NOS1: variants seen among roughly 807,000 people sequenced by gnomAD.
The protein encoded by NOS1 is nitric oxide synthase 1.
NOS1 carries 51 observed loss-of-function variants against 164.5 expected under a neutral mutation model. That is an observed-to-expected ratio of 0.31 (90% CI 0.25 to 0.39). The LOEUF is 0.39. NOS1 is among the 10% of genes least tolerant of loss of function. NOS1 has a pLI of 1.00. For missense variants in NOS1, 1,362 were observed against 1,885.6 expected, an observed-to-expected ratio of 0.72 and a Z score of 5.14; for synonymous variants, 719 against 745.8, an observed-to-expected ratio of 0.96 and a Z score of 0.59.
In NOS1 at chr12:117,257,867, C is replaced by T. The variant is rs9658437; in HGVS notation, c.2531+530G>A. On this transcript the variant is annotated intron_variant, in intron 16 of 28. Transcript: ENST00000317775. Reference sequence around the variant, plus strand: ...TTGCCCAGGCTGGAGTGCAATGGTGCGATCTTGGCTCACTGCAACCTCCTC... The same window carrying T: ...TTGCCCAGGCTGGAGTGCAATGGTGTGATCTTGGCTCACTGCAACCTCCTC... 2.0e-3 allele frequency among the ~76,000 whole-genome samples: 281 copies of T among 143,878 alleles called. 1 individual carries two copies. Among genetic ancestry groups the T allele is most frequent in the African/African-American group, 6.9e-3 (266 of 38,364 alleles). 94.4% of individuals were successfully genotyped at this position (143,878 alleles called of 152,430 possible).
At chr12:117,321,993 CCTCCCTCT>C (rs1197667107) in intron 2 of NOS1, among the ~76,000 whole-genome samples, 1 of 50,660 alleles carries the variant, frequency 2.0e-5, no homozygotes, top group South Asian at 7.5e-4. Context: ...TCCTTCCTTC[CCTCCCTCT>C]CTCCTTCCTT....
At chr12:117,294,990 G>A (rs142663526) in intron 3 of NOS1, among the ~76,000 whole-genome samples, 5 of 152,266 alleles carry the variant, frequency 3.3e-5, no homozygotes, top group South Asian at 4.1e-4. Flanking sequence ...AGGGAGGTGC[G>A]GTCACGTCAG....
At chr12:117,237,799 C>G (rs1428658284) in intron 20 of NOS1, among the ~76,000 whole-genome samples, 1 of 152,090 alleles carries the variant, frequency 6.6e-6, no homozygotes, top group Non-Finnish European at 1.5e-5. Context: ...AGGCACTGTT[C>G]TAGGCACTGG....
chr12:117,257,705 A>G (rs1871571318), intron 16 of NOS1, among the ~76,000 whole-genome samples: 1 of 145,636 alleles, frequency 6.9e-6, no homozygotes, highest in Non-Finnish European at 1.5e-5. Context: ...CCTCCAGAGT[A>G]GCTGAGACTA....
At chr12:117,298,988 T>C (rs1297460461) in intron 3 of NOS1, among the ~76,000 whole-genome samples, 1 of 152,262 alleles carries the variant, frequency 6.6e-6, no homozygotes, top group African/African-American at 2.4e-5. Flanking sequence ...CTGCCCTGTT[T>C]GGCTTGTCCT....
At chr12:117,215,402 T>C (rs1359063402) in intron 28 of NOS1, 78 bp from the exon 29 acceptor site, 2 of 1,405,238 alleles carry the variant, frequency 1.4e-6, no homozygotes, top group South Asian at 1.9e-5. Context: ...CCAGAGAAAA[T>C]CACCCATGCT....
intron 3 of NOS1, among the ~76,000 whole-genome samples, chr12:117,303,292 T>G (rs1046239346): frequency 6.6e-5 from 10 of 152,124 alleles, no homozygotes; most frequent in African/African-American, 2.4e-4. Context: ...CCCGCAAGCC[T>G]GTCCCCCACC....
At chr12:117,309,930 G>C (rs966929615) in intron 3 of NOS1, among the ~76,000 whole-genome samples, 1 of 152,136 alleles carries the variant, frequency 6.6e-6, no homozygotes, top group Admixed American at 6.6e-5. Flanking sequence ...ACAGGGTCTC[G>C]CTCTGTTGCC....
intron 18 of NOS1, among the ~76,000 whole-genome samples, chr12:117,244,403 T>G (rs1306135546): frequency 6.6e-6 from 1 of 152,060 alleles, no homozygotes; most frequent in Admixed American, 6.6e-5. Flanking sequence ...ATGTGCACCA[T>G]GCCCAGCTAA....
At chr12:117,248,230 T>G (rs1306041731) in intron 17 of NOS1, among the ~76,000 whole-genome samples, 3 of 151,834 alleles carry the variant, frequency 2.0e-5, no homozygotes, top group Non-Finnish European at 4.4e-5. Flanking sequence ...AGTTTTAGGG[T>G]ACATGTGCAC....
chr12:117,310,186 C>T (rs985066404), intron 3 of NOS1, among the ~76,000 whole-genome samples: 3 of 152,078 alleles, frequency 2.0e-5, no homozygotes, highest in African/African-American at 7.2e-5. Flanking sequence ...GGATTACAGG[C>T]GTGAGCCGCC....
intron 2 of NOS1, among the ~76,000 whole-genome samples, chr12:117,321,544 G>C (rs1363383266): frequency 6.6e-6 from 1 of 152,180 alleles, no homozygotes; most frequent in African/African-American, 2.4e-5. Flanking sequence ...AGACGGCAGG[G>C]ACACAGATGG....
Position 117,330,849 on chromosome 12 carries a change from T to A in NOS1, c.221A>T (p.Asp74Val). 2 of 1,613,928 alleles carry A rather than the reference T, an allele frequency of 1.2e-6. No individual in the cohort carries two copies. The highest frequency in any genetic ancestry group is 1.7e-6 in the Non-Finnish European group (2 of 1,179,968). The change falls in exon 2 of 29, where the codon GAC becomes GTC. Residue 74 changes from aspartate (D) to valine (V), a missense_variant. This residue lies in a region of NOS1 where 362 missense variants were observed against 402.0 expected (regional missense o/e 0.90). Coordinates refer to ENST00000317775, the MANE Select transcript of NOS1 (RefSeq NM_000620.5). The surrounding 1 kb of genome is among the most constrained non-coding windows in gnomAD (Gnocchi z 4.6). ...CTCCAGGGCGCTGTCATAGCTCAGG[T>A]CCACCAAGGGCCGGCCGTTGACCGC... The part of the protein sequence containing the change: ...ILAVNGRPLV[D>V]LSYDSALEVL...
intron 13 of NOS1, 85 bp downstream of exon 13, chr12:117,263,804 G>A (rs946353607): frequency 2.0e-6 from 2 of 988,098 alleles, no homozygotes; most frequent in African/African-American, 1.6e-5. Flanking sequence ...AGGTCAGAGG[G>A]CACAGGAGTC....
intron 15 of NOS1, 124 bp downstream of exon 15, chr12:117,258,902 A>T: frequency 1.5e-6 from 1 of 648,326 alleles, no homozygotes; most frequent in South Asian, 2.0e-5. Flanking sequence ...AATGGAAATT[A>T]CTGGCTTTCA....
chr12:117,341,436 G>A (rs752441682), intron 1 of NOS1, among the ~76,000 whole-genome samples: 8 of 152,166 alleles, frequency 5.3e-5, no homozygotes, highest in Non-Finnish European at 1.0e-4. Context: ...CTGTCATCCC[G>A]ATGTTAGAAT....
intron 20 of NOS1, among the ~76,000 whole-genome samples, chr12:117,242,426 C>G (rs1252800086): frequency 6.6e-6 from 1 of 152,202 alleles, no homozygotes; most frequent in Non-Finnish European, 1.5e-5. Flanking sequence ...CCAATACCAT[C>G]TCCTTTTTCC....
intron 22 of NOS1, among the ~76,000 whole-genome samples, chr12:117,229,363 T>C (rs567082891): frequency 5.2e-4 from 79 of 152,296 alleles, no homozygotes; most frequent in Middle Eastern, 3.4e-3. Flanking sequence ...AATGTTCCCA[T>C]CCAACCTTTC....
At chr12:117,253,607 T>C in intron 17 of NOS1, 31 bp downstream of exon 17, 4 of 1,508,380 alleles carry the variant, frequency 2.7e-6, no homozygotes, top group Non-Finnish European at 2.8e-6. Flanking sequence ...TAGTCTTCCC[T>C]GACCCCCGAC....
Sources: allele counts gnomAD v4.1 joint callset (sites outside exome capture counted in the v4.1 genomes callset), GRCh38; gene constraint gnomAD v4.1.1; regional missense constraint gnomAD v4.1.1; non-coding constraint Gnocchi (gnomAD v3.1); transcripts MANE v1.5; gene names NCBI Gene and HGNC (gene_info 2026-07-23, HGNC 2026-07-21).